APP: variants seen among roughly 807,000 people sequenced by gnomAD.
APP encodes amyloid-beta precursor protein.
Under a neutral mutation model 101.4 loss-of-function variants are expected in APP, and 31 were observed. The observed-to-expected ratio is 0.31, with a 90% confidence interval of 0.23 to 0.41. The LOEUF is 0.41. Among genes scored for constraint, APP ranks in the 10% least tolerant of loss-of-function variants. The pLI is 1.00. For synonymous variants in APP, 366 were observed against 364.4 expected (o/e 1.00, Z -0.05); for missense variants, 839 against 1,003.7 (o/e 0.84, Z 2.22).
chr21:26,115,935 T>G (rs1041266396), intron 1 of APP, among the ~76,000 whole-genome samples: 5 of 152,230 alleles, frequency 3.3e-5, no homozygotes, highest in African/African-American at 1.2e-4. Flanking sequence ...AACACTATTC[T>G]AAGGTGAGTT....
chr21:25,950,293 AG>A (rs1461853642), intron 13 of APP, among the ~76,000 whole-genome samples: 1 of 152,080 alleles, frequency 6.6e-6, no homozygotes, highest in East Asian at 1.9e-4. Flanking sequence ...CAAATTAGAA[AG>A]GGTTTATAGG....
chr21:25,884,790 A>G (rs1387342831), intron 17 of APP, among the ~76,000 whole-genome samples: 1 of 152,206 alleles, frequency 6.6e-6, no homozygotes, highest in African/African-American at 2.4e-5. Context: ...TTGGAATATT[A>G]TACTTTTATT....
rs538349844 is a variant in APP at position 25,959,164 on chromosome 21, G to A, written c.1459-3409C>T. On this transcript the variant is annotated intron_variant, in intron 11 of 17. Transcript: ENST00000346798. ...CGAAGTTAAAAACAGGCCAGGCGCC[G>A]TGGCTCACGCCTGTAATCCCAGCAC... Among the ~76,000 whole-genome samples the A allele has an allele frequency of 3.3e-4, 51 of 152,370 alleles. No homozygotes were observed. The East Asian group carries it at 5.4e-3, about 16-fold the overall frequency.
chr21:26,076,403 TTTG>T (rs1178618380), intron 3 of APP, among the ~76,000 whole-genome samples: 1 of 152,152 alleles, frequency 6.6e-6, no homozygotes, highest in African/African-American at 2.4e-5. Context: ...TTCCAACAGA[TTTG>T]TAGTCAGGAG....
At chr21:26,097,724 C>T (rs1332899826) in intron 2 of APP, among the ~76,000 whole-genome samples, 1 of 152,158 alleles carries the variant, frequency 6.6e-6, no homozygotes, top group African/African-American at 2.4e-5. Context: ...AGCAGCCTAC[C>T]TACCTGGTCA....
At chr21:25,926,851 A>G (rs2039917220) in intron 13 of APP, among the ~76,000 whole-genome samples, 1 of 151,976 alleles carries the variant, frequency 6.6e-6, no homozygotes, top group Admixed American at 6.6e-5. Flanking sequence ...AAAATACAAA[A>G]AAAATTAGCC....
intron 1 of APP, among the ~76,000 whole-genome samples, chr21:26,147,642 T>C (rs769381965): frequency 1.2e-4 from 19 of 152,198 alleles, no homozygotes; most frequent in Non-Finnish European, 8.8e-5. Context: ...AATCAATTTA[T>C]TAGAAATAAG....
At chr21:26,040,140 G>A (rs2045307435) in intron 5 of APP, among the ~76,000 whole-genome samples, 1 of 151,998 alleles carries the variant, frequency 6.6e-6, no homozygotes, top group African/African-American at 2.4e-5. Context: ...AATAATTTTT[G>A]TTTCAGAAAG....
intron 11 of APP, among the ~76,000 whole-genome samples, chr21:25,957,574 T>TA (rs1178763139): frequency 6.6e-6 from 1 of 152,200 alleles, no homozygotes; most frequent in Non-Finnish European, 1.5e-5. Flanking sequence ...TAATCGCATT[T>TA]AACCATGATG....
intron 5 of APP, among the ~76,000 whole-genome samples, chr21:26,039,734 C>T (rs971011129): frequency 6.6e-6 from 1 of 152,070 alleles, no homozygotes; most frequent in African/African-American, 2.4e-5. Context: ...TCTGTGTGTC[C>T]TTTACTTATT....
At chr21:26,099,603 T>C (rs952235981) in intron 2 of APP, among the ~76,000 whole-genome samples, 2 of 152,268 alleles carry the variant, frequency 1.3e-5, no homozygotes, top group African/African-American at 4.8e-5. Flanking sequence ...CTTCTGTTTC[T>C]GGATTTCAAT....
At chr21:25,963,746 A>T (rs1204930940) in intron 11 of APP, among the ~76,000 whole-genome samples, 1 of 152,186 alleles carries the variant, frequency 6.6e-6, no homozygotes, top group Non-Finnish European at 1.5e-5. Flanking sequence ...GATCTTAGTT[A>T]AACGTAATAT....
At chr21:25,931,143 G>A (rs1188737828) in intron 13 of APP, among the ~76,000 whole-genome samples, 1 of 152,164 alleles carries the variant, frequency 6.6e-6, no homozygotes, top group African/African-American at 2.4e-5. Context: ...AAGAAAAGAT[G>A]GGCATAAAAA....
At chr21:26,136,614 T>A (rs113172719) in intron 1 of APP, among the ~76,000 whole-genome samples, 3,137 of 152,300 alleles carry the variant, frequency 0.021, 49 homozygotes, top group Non-Finnish European at 0.032. Flanking sequence ...TGTATTTACC[T>A]TAGTCCACCT....
intron 6 of APP, among the ~76,000 whole-genome samples, chr21:26,020,077 G>C (rs980941953): frequency 2.3e-4 from 35 of 152,052 alleles, no homozygotes; most frequent in Admixed American, 1.6e-3. Flanking sequence ...TAAATTTTAA[G>C]CTAACGCTGA....
chr21:25,947,283 C>T lies in APP; in HGVS notation c.1687+7307G>A, dbSNP rs191463972. 6.0e-5 allele frequency among the ~76,000 whole-genome samples: 9 copies of T among 148,796 alleles called. No individual in the cohort carries two copies. In the East Asian group the frequency reaches 1.2e-3, roughly 20 times the overall value. On this transcript the variant is annotated intron_variant, in intron 13 of 17. Transcript: ENST00000346798. ...ACCAAAAAAGGCATAGAGAGCTAAA[C>T]GTATACAAAGCACTCTACTAACCAC...
intron 4 of APP, 49 bp from the exon 5 acceptor site, chr21:26,051,242 A>G: frequency 6.5e-7 from 1 of 1,541,502 alleles, no homozygotes; most frequent in Non-Finnish European, 8.9e-7. Context: ...GATGTGTTTC[A>G]TTGTAAGAAA....
chr21:26,054,638 T>G (rs1001688411), intron 3 of APP, among the ~76,000 whole-genome samples: 12 of 145,882 alleles, frequency 8.2e-5, no homozygotes, highest in South Asian at 2.3e-4. Flanking sequence ...TTTTTTTTTT[T>G]TTTTTTTAAG....
At chr21:25,965,695 T>C (rs2041770145) in intron 11 of APP, among the ~76,000 whole-genome samples, 1 of 152,224 alleles carries the variant, frequency 6.6e-6, no homozygotes, top group Non-Finnish European at 1.5e-5. Flanking sequence ...TGCGTGTGTA[T>C]GCGTACATGT....
Sources: gnomAD v4.1 joint callset for allele counts (sites outside exome capture counted in the v4.1 genomes callset) on GRCh38, gnomAD v4.1.1 for gene constraint, MANE v1.5 for transcripts, NCBI Gene and HGNC (gene_info 2026-07-23, HGNC 2026-07-21) for gene names.